Variants in TRPM3 observed in about 807,000 individuals in gnomAD.
TRPM3 encodes the protein transient receptor potential cation channel subfamily M member 3, also known as long transient receptor potential channel 3.
TRPM3 carries 77 observed loss-of-function variants against 181.2 expected under a neutral mutation model. That is an observed-to-expected ratio of 0.42 (90% CI 0.35 to 0.51). The LOEUF (loss-of-function observed/expected upper bound fraction) is 0.51, where lower values mean the gene tolerates loss of function less well. TRPM3 is among the 20% of genes least tolerant of loss of function. TRPM3 has a pLI of 0.01. For missense variants in TRPM3, 1,759 were observed against 2,196.7 expected, an observed-to-expected ratio of 0.80 and a Z score of 3.98; for synonymous variants, 745 against 796.4, an observed-to-expected ratio of 0.94 and a Z score of 1.09.
chr9:70,781,213 T>C (rs1588240480), intron 7 of TRPM3, among the ~76,000 whole-genome samples: 4 of 150,726 alleles, frequency 2.7e-5, no homozygotes, highest in Admixed American at 2.7e-4. Context: ...TAGTCCCAGC[T>C]ACTTGGGAGG....
At chr9:71,253,396 G>T (rs2082471931) in intron 1 of TRPM3, among the ~76,000 whole-genome samples, 1 of 152,110 alleles carries the variant, frequency 6.6e-6, no homozygotes, top group South Asian at 2.1e-4. Context: ...TGTTGCAAGT[G>T]GGCACGTGTG....
At chr9:70,646,712 T>C (rs1356765843) in intron 9 of TRPM3, among the ~76,000 whole-genome samples, 1 of 151,594 alleles carries the variant, frequency 6.6e-6, no homozygotes, top group African/African-American at 2.4e-5. Flanking sequence ...GAACTTAAAG[T>C]ATAATAATAA....
At chr9:70,983,781 G>A (rs2097390973) in intron 1 of TRPM3, among the ~76,000 whole-genome samples, 2 of 152,076 alleles carry the variant, frequency 1.3e-5, no homozygotes, top group African/African-American at 4.8e-5. Flanking sequence ...GAAAATGGGG[G>A]AAAAAATAGA....
At chr9:71,353,457 G>A (rs1056157205) in intron 1 of TRPM3, among the ~76,000 whole-genome samples, 1 of 152,126 alleles carries the variant, frequency 6.6e-6, no homozygotes, top group Non-Finnish European at 1.5e-5. Context: ...CTCACTGAAT[G>A]TCTCTATATC....
chr9:70,944,535 A>G (rs2096914661), intron 1 of TRPM3, among the ~76,000 whole-genome samples: 1 of 152,058 alleles, frequency 6.6e-6, no homozygotes, highest in Admixed American at 6.6e-5. Context: ...AAGTTATTCC[A>G]TATTGTCCCT....
In TRPM3 at chr9:70,625,115, G is replaced by A; in HGVS notation, c.1809+76C>T. ...TTTTCTGATTTTAATTCCCCTTGGA[G>A]ACAAAGAAGCCACAACCCAAATCCC... On this transcript the variant is annotated intron_variant, in intron 14 of 25. Transcript: ENST00000677713. This position sits in a 1 kb window ranked among gnomAD's most constrained non-coding sequence, Gnocchi z 4.8. The A allele has an allele frequency of 1.3e-6, 2 of 1,528,220 alleles. No individual in the cohort carries two copies. The highest frequency in any genetic ancestry group is 1.8e-6 in the Non-Finnish European group (2 of 1,126,470). The allele number at this position is 1,528,220 out of a possible 1,614,324, so 94.7% of individuals were successfully genotyped here.
intron 1 of TRPM3, among the ~76,000 whole-genome samples, chr9:70,888,266 G>GA (rs2096126476): frequency 6.6e-6 from 1 of 151,912 alleles, no homozygotes; most frequent in Non-Finnish European, 1.5e-5. Context: ...GTAGGTACCT[G>GA]AAAAAAGTGA....
chr9:70,813,857 T>C (rs545420493), intron 6 of TRPM3, among the ~76,000 whole-genome samples: 2 of 152,324 alleles, frequency 1.3e-5, no homozygotes, highest in East Asian at 3.9e-4. Context: ...CCTTAAGGGT[T>C]GTCATAAGAA....
chr9:70,862,418 T>C (rs926736807), intron 3 of TRPM3, among the ~76,000 whole-genome samples: 2 of 152,156 alleles, frequency 1.3e-5, no homozygotes, highest in African/African-American at 4.8e-5. Flanking sequence ...TTAATTTCGA[T>C]GGCAATATTT....
At chr9:71,256,865 A>T (rs2082706230) in intron 1 of TRPM3, among the ~76,000 whole-genome samples, 1 of 152,212 alleles carries the variant, frequency 6.6e-6, no homozygotes, top group Non-Finnish European at 1.5e-5. Flanking sequence ...TATTTTACAA[A>T]GTGTATTCCA....
intron 9 of TRPM3, among the ~76,000 whole-genome samples, chr9:70,674,443 G>A (rs1388751401): frequency 6.6e-6 from 1 of 152,168 alleles, no homozygotes; most frequent in Non-Finnish European, 1.5e-5. Context: ...AGATGAGTTA[G>A]GCAGCAAGGC....
chr9:71,180,639 G>C (rs1458741257), intron 1 of TRPM3, among the ~76,000 whole-genome samples: 1 of 152,158 alleles, frequency 6.6e-6, no homozygotes, highest in Non-Finnish European at 1.5e-5. Flanking sequence ...ATGAGTAGCT[G>C]TGAGGATGTG....
At chr9:70,832,121 A>G (rs2093973553) in intron 5 of TRPM3, among the ~76,000 whole-genome samples, 1 of 119,682 alleles carries the variant, frequency 8.4e-6, no homozygotes, top group South Asian at 3.0e-4. Flanking sequence ...GAAGGGGAAC[A>G]TCACACTCTG....
chr9:71,235,857 T>C (rs568629680), intron 1 of TRPM3, among the ~76,000 whole-genome samples: 70 of 152,352 alleles, frequency 4.6e-4, no homozygotes, highest in African/African-American at 1.6e-3. Context: ...ATTGCTTCTG[T>C]ATTATCCCAA....
chr9:71,423,963 G>A (rs2093821041), intron 1 of TRPM3, among the ~76,000 whole-genome samples: 1 of 152,058 alleles, frequency 6.6e-6, no homozygotes, highest in Non-Finnish European at 1.5e-5. Flanking sequence ...TGACAAAAAT[G>A]GCTGAATGAT....
intron 1 of TRPM3, among the ~76,000 whole-genome samples, chr9:71,284,020 G>A (rs1183463607): frequency 2.6e-5 from 4 of 152,198 alleles, no homozygotes; most frequent in Admixed American, 2.6e-4. Flanking sequence ...CCTGATATGA[G>A]CCCTGGTTCT....
At chr9:70,797,879 G>A (rs540241800) in intron 6 of TRPM3, among the ~76,000 whole-genome samples, 16 of 152,258 alleles carry the variant, frequency 1.1e-4, no homozygotes, top group African/African-American at 3.6e-4. Context: ...AAGACTCACC[G>A]TGGGATTCTG....
intron 1 of TRPM3, among the ~76,000 whole-genome samples, chr9:71,016,725 T>C (rs2097788350): frequency 1.3e-5 from 2 of 152,206 alleles, no homozygotes; most frequent in South Asian, 2.1e-4. Context: ...ATGAAGATTA[T>C]GATACAATTT....
At chr9:71,287,786 A>C (rs190293904) in intron 1 of TRPM3, among the ~76,000 whole-genome samples, 1 of 152,306 alleles carries the variant, frequency 6.6e-6, no homozygotes, top group Admixed American at 6.5e-5. Flanking sequence ...CATTTAATAA[A>C]TGAGGAAATG....
Sources: gnomAD v4.1 joint callset for allele counts (sites outside exome capture counted in the v4.1 genomes callset) on GRCh38, gnomAD v4.1.1 for gene constraint, Gnocchi (gnomAD v3.1) non-coding constraint, MANE v1.5 for transcripts, NCBI Gene and HGNC (gene_info 2026-07-23, HGNC 2026-07-21) for gene names.